NPAS2: variants seen among roughly 807,000 people sequenced by gnomAD.
The protein encoded by NPAS2 is neuronal PAS domain protein 2, also known as neuronal PAS domain-containing protein 2.
Under a neutral mutation model 107.5 loss-of-function variants are expected in NPAS2, and 23 were observed. The ratio of observed to expected loss-of-function variants is 0.21; its 90% CI spans 0.15 to 0.30. NPAS2 has a LOEUF of 0.30. NPAS2 is among the 10% of genes least tolerant of loss of function. The probability of loss-of-function intolerance (pLI) is 1.00; values close to 1 mark genes in which losing one functional copy is unlikely to be tolerated. For synonymous variants in NPAS2, 403 were observed against 417.5 expected (o/e 0.97, Z 0.42); for missense variants, 756 against 1,043.3 (o/e 0.72, Z 3.79).
intron 1 of NPAS2, among the ~76,000 whole-genome samples, chr2:100,894,537 G>A (rs745681484): frequency 4.6e-5 from 7 of 152,074 alleles, no homozygotes; most frequent in African/African-American, 1.4e-4. Flanking sequence ...TCAGAGCCGC[G>A]GGCACACAGG....
chr2:100,991,583 G>A (rs1418015580), intron 19 of NPAS2, among the ~76,000 whole-genome samples: 1 of 152,172 alleles, frequency 6.6e-6, no homozygotes, highest in Non-Finnish European at 1.5e-5. Context: ...GCACCCCCAG[G>A]CCCCTCTCCC....
intron 5 of NPAS2, among the ~76,000 whole-genome samples, chr2:100,943,667 A>T (rs549415187): frequency 2.0e-5 from 3 of 152,258 alleles, no homozygotes; most frequent in Admixed American, 1.3e-4. Flanking sequence ...GGGTGAGGTG[A>T]CCCCTGGTCC....
At position 100,863,468 on chromosome 2, in the gene NPAS2, G is replaced by A. The variant is rs538015267; in HGVS notation, c.-22-41265G>A. On this transcript the variant is annotated intron_variant, in intron 1 of 20. Coordinates refer to ENST00000335681, the MANE Select transcript of NPAS2 (RefSeq NM_002518.4). ...GTGCATATCAGTGGCCACACAGTCC[G>A]TGGGCCCACAGATCTGTGCCCCATG... is the stretch of plus-strand genomic sequence containing the variant. Among the ~76,000 whole-genome samples the A allele has an allele frequency of 9.8e-5, 15 of 152,314 alleles. No homozygotes were observed. In the South Asian group the frequency reaches 2.5e-3, roughly 25 times the overall value.
chr2:100,886,655 A>G (rs1327799924), intron 1 of NPAS2, among the ~76,000 whole-genome samples: 1 of 152,230 alleles, frequency 6.6e-6, no homozygotes, highest in Admixed American at 6.5e-5. Flanking sequence ...TAGTTAAGCA[A>G]CAGTCACGAT....
intron 1 of NPAS2, among the ~76,000 whole-genome samples, chr2:100,833,714 A>G (rs1254906085): frequency 6.6e-6 from 1 of 152,188 alleles, no homozygotes; most frequent in Non-Finnish European, 1.5e-5. Flanking sequence ...TGTGTATCCC[A>G]TGGATTCTGA....
At chr2:100,821,313 T>G in intron 1 of NPAS2, 1 of 901,808 alleles carries the variant, frequency 1.1e-6, no homozygotes, top group Non-Finnish European at 1.5e-6. Flanking sequence ...GTCTAAACAC[T>G]CCCGAGCTTG....
At chr2:100,924,969 C>T (rs1683469437) in intron 2 of NPAS2, among the ~76,000 whole-genome samples, 177 bp from the exon 3 acceptor site, 2 of 152,188 alleles carry the variant, frequency 1.3e-5, no homozygotes, top group Non-Finnish European at 2.9e-5. Context: ...AAGAGTCTAG[C>T]AAAACATTTT....
At chr2:100,827,681 C>G (rs1676470812) in intron 1 of NPAS2, among the ~76,000 whole-genome samples, 1 of 152,160 alleles carries the variant, frequency 6.6e-6, no homozygotes, top group African/African-American at 2.4e-5. Flanking sequence ...GGATAATGGC[C>G]TCCAGCTGCA....
intron 7 of NPAS2, 31 bp downstream of exon 7, chr2:100,949,511 G>A (rs367676408): frequency 3.3e-5 from 42 of 1,289,274 alleles, no homozygotes; most frequent in Non-Finnish European, 4.4e-5. Context: ...AATTGTGACA[G>A]TGTCTTTTCT....
intron 7 of NPAS2, among the ~76,000 whole-genome samples, chr2:100,962,146 A>G (rs1343166323): frequency 6.6e-6 from 1 of 152,306 alleles, no homozygotes; most frequent in South Asian, 2.1e-4. Context: ...TGACAGATGT[A>G]AGCTCTCCAG....
intron 2 of NPAS2, among the ~76,000 whole-genome samples, chr2:100,923,203 G>A (rs981126822): frequency 5.9e-5 from 9 of 152,176 alleles, no homozygotes; most frequent in African/African-American, 2.2e-4. Context: ...AGAGTGGCTC[G>A]GCGAGGGACA....
intron 1 of NPAS2, among the ~76,000 whole-genome samples, chr2:100,862,079 T>C (rs1678976471): frequency 6.6e-6 from 1 of 152,190 alleles, no homozygotes. Context: ...TAATTAAAAA[T>C]AGATTGTGGA....
chr2:100,958,850 C>T (rs1251381561), intron 7 of NPAS2, among the ~76,000 whole-genome samples: 1 of 152,018 alleles, frequency 6.6e-6, no homozygotes, highest in Non-Finnish European at 1.5e-5. Flanking sequence ...CTTCTCAACG[C>T]CATTACACTC....
rs761766768 is a variant in NPAS2, at chr2:100,964,068, C to T, written c.609C>T (p.Pro203=). The change falls in exon 8 of 21, where the codon CCC becomes CCT. Residue 203 remains proline (P), a synonymous_variant. Transcript: ENST00000335681. ...NFRSYNNVPS[P]SCNGFDNTLS... Reference sequence around the variant, plus strand: ...TTCCCAACCCCCCAGTGCCTAGCCCCTCCTGTAATGGTTTTGACAACACCC... The same window carrying T: ...TTCCCAACCCCCCAGTGCCTAGCCCTTCCTGTAATGGTTTTGACAACACCC... 1.9e-6 allele frequency: 3 copies of T among 1,613,088 alleles called. No individual in the cohort carries two copies. Among genetic ancestry groups the T allele is most frequent in the Admixed American group, 3.3e-5 (2 of 60,020 alleles).
intron 5 of NPAS2, among the ~76,000 whole-genome samples, chr2:100,940,652 A>G (rs575558042): frequency 6.6e-6 from 1 of 152,210 alleles, no homozygotes; most frequent in South Asian, 2.1e-4. Context: ...TATGAAGTAC[A>G]TAGTTACCCA....
chr2:100,944,896 C>T (rs1401253905), intron 5 of NPAS2, among the ~76,000 whole-genome samples: 4 of 152,194 alleles, frequency 2.6e-5, no homozygotes, highest in Admixed American at 1.3e-4. Flanking sequence ...CTCAGCCTTG[C>T]TCTCTGCCAC....
At chr2:100,858,815 A>G (rs1275868207) in intron 1 of NPAS2, among the ~76,000 whole-genome samples, 1 of 152,180 alleles carries the variant, frequency 6.6e-6, no homozygotes, top group Admixed American at 6.5e-5. Context: ...GTTACACGTC[A>G]GTGTGCACGC....
intron 3 of NPAS2, among the ~76,000 whole-genome samples, chr2:100,930,097 T>C (rs902221122): frequency 6.6e-6 from 1 of 152,218 alleles, no homozygotes; most frequent in African/African-American, 2.4e-5. Flanking sequence ...CAGGACATAT[T>C]GGACATCCTT....
intron 1 of NPAS2, 102 bp from the exon 2 acceptor site, chr2:100,904,630 TG>T: frequency 1.2e-6 from 1 of 839,154 alleles, no homozygotes. Flanking sequence ...TGAGAACCAC[TG>T]GGCTAAGACC....
Sources: gnomAD v4.1 joint callset for allele counts (sites outside exome capture counted in the v4.1 genomes callset) on GRCh38, gnomAD v4.1.1 for gene constraint, MANE v1.5 for transcripts, NCBI Gene and HGNC (gene_info 2026-07-23, HGNC 2026-07-21) for gene names.